SCHIP1: variants seen among roughly 807,000 people sequenced by gnomAD.
SCHIP1 encodes schwannomin interacting protein 1, also known as schwannomin-interacting protein 1.
A neutral mutation model predicts 29.7 loss-of-function variants in SCHIP1; 8 were observed. The observed-to-expected ratio is 0.27, with a 90% CI of 0.16 to 0.49. SCHIP1 has a LOEUF of 0.49. Among genes scored for constraint, SCHIP1 ranks in the 20% least tolerant of loss-of-function variants. The pLI, the probability that SCHIP1 is intolerant of heterozygous loss-of-function variation, is 0.99. For missense variants in SCHIP1, 193 were observed against 294.6 expected, an observed-to-expected ratio of 0.66 and a Z score of 2.52; for synonymous variants, 76 against 94.9, an observed-to-expected ratio of 0.80 and a Z score of 1.16.
At chr3:159,541,308 A>C in the SCHIP1 span, among the ~76,000 whole-genome samples, 1 of 152,078 alleles carries the variant, frequency 6.6e-6, no homozygotes, top group African/African-American at 2.4e-5. Flanking sequence ...TGATACAAAG[A>C]AAGTTAGAGC....
the SCHIP1 span, among the ~76,000 whole-genome samples, chr3:159,420,561 C>A: frequency 1.3e-5 from 2 of 152,084 alleles, no homozygotes; most frequent in Admixed American, 1.3e-4. Flanking sequence ...GGATGATTGC[C>A]ATTTAGGCCA....
At chr3:159,658,472 T>A in the SCHIP1 span, among the ~76,000 whole-genome samples, 2 of 152,148 alleles carry the variant, frequency 1.3e-5, no homozygotes, top group African/African-American at 4.8e-5. Flanking sequence ...CTGAGAAAAA[T>A]TAAAGGACTG....
At chr3:159,778,168 T>C in the SCHIP1 span, among the ~76,000 whole-genome samples, 1 of 151,980 alleles carries the variant, frequency 6.6e-6, no homozygotes, top group Non-Finnish European at 1.5e-5. Flanking sequence ...TAATTTTTTG[T>C]ATTTTTAGTA....
chr3:159,700,410 A>C, the SCHIP1 span, among the ~76,000 whole-genome samples: 1 of 152,256 alleles, frequency 6.6e-6, no homozygotes, highest in Non-Finnish European at 1.5e-5. Context: ...GTAAAAATCA[A>C]TAGTTGGTGT....
chr3:159,368,060 A>C, the SCHIP1 span, among the ~76,000 whole-genome samples: 1 of 152,282 alleles, frequency 6.6e-6, no homozygotes, highest in Non-Finnish European at 1.5e-5. Flanking sequence ...TCTAACCTCC[A>C]TGTCAAACAT....
At chr3:159,716,883 G>A in the SCHIP1 span, among the ~76,000 whole-genome samples, 2 of 152,216 alleles carry the variant, frequency 1.3e-5, no homozygotes, top group African/African-American at 2.4e-5. Flanking sequence ...TGTGCACCAA[G>A]TGGACCTAAT....
chr3:159,576,347 T>C, the SCHIP1 span, among the ~76,000 whole-genome samples: 1 of 152,192 alleles, frequency 6.6e-6, no homozygotes, highest in African/African-American at 2.4e-5. Flanking sequence ...GACTCATGTT[T>C]ACTGTAGAGA....
At chr3:159,363,263 ATAAG>A in the SCHIP1 span, among the ~76,000 whole-genome samples, 26,067 of 152,120 alleles carry the variant, frequency 0.17, 2,395 homozygotes, top group Middle Eastern at 0.28. Flanking sequence ...AAGCATTTTA[ATAAG>A]TAATAGTTAT....
the SCHIP1 span, among the ~76,000 whole-genome samples, chr3:159,353,502 T>C: frequency 9.2e-5 from 14 of 152,036 alleles, no homozygotes; most frequent in African/African-American, 3.4e-4. Context: ...AACTGAGAGA[T>C]TTTAAGTTAT....
At chr3:159,824,510 A>C in the SCHIP1 span, among the ~76,000 whole-genome samples, 1 of 152,204 alleles carries the variant, frequency 6.6e-6, no homozygotes, top group Non-Finnish European at 1.5e-5. Flanking sequence ...TCAAACTTAG[A>C]TTATGGTGAC....
chr3:159,663,902 A>G, the SCHIP1 span, among the ~76,000 whole-genome samples: 2 of 152,210 alleles, frequency 1.3e-5, no homozygotes, highest in Non-Finnish European at 2.9e-5. Flanking sequence ...ATATAGTAGG[A>G]TATAAGGTAT....
the SCHIP1 span, among the ~76,000 whole-genome samples, chr3:159,603,899 G>A: frequency 7.2e-5 from 11 of 152,214 alleles, no homozygotes; most frequent in African/African-American, 2.6e-4. Flanking sequence ...ATGGTAAGGG[G>A]CTCACAAGGA....
the SCHIP1 span, among the ~76,000 whole-genome samples, chr3:159,565,138 A>G: frequency 6.6e-6 from 1 of 152,170 alleles, no homozygotes; most frequent in Non-Finnish European, 1.5e-5. Flanking sequence ...AGCCTGGTGG[A>G]CAGCCATGTC....
the SCHIP1 span, among the ~76,000 whole-genome samples, chr3:159,300,565 T>A: frequency 1.3e-5 from 2 of 152,182 alleles, no homozygotes; most frequent in Non-Finnish European, 2.9e-5. Context: ...CTCCCTGCAA[T>A]TAACATTTGG....
intron 1 of SCHIP1, among the ~76,000 whole-genome samples, chr3:159,849,361 G>A (rs546083848): frequency 2.8e-4 from 42 of 152,012 alleles, no homozygotes; most frequent in Non-Finnish European, 5.3e-4. Flanking sequence ...CTAGTAATCA[G>A]GCATATCATT....
chr3:159,542,542 C>A, the SCHIP1 span, among the ~76,000 whole-genome samples: 1 of 152,014 alleles, frequency 6.6e-6, no homozygotes, highest in Non-Finnish European at 1.5e-5. Context: ...TTCACATACC[C>A]GTATTCATTC....
the SCHIP1 span, among the ~76,000 whole-genome samples, chr3:159,413,480 T>C: frequency 6.6e-6 from 1 of 152,220 alleles, no homozygotes; most frequent in Non-Finnish European, 1.5e-5. Context: ...GATTTCTACC[T>C]TCATTCAACA....
At chr3:159,604,613 T>A in the SCHIP1 span, among the ~76,000 whole-genome samples, 6 of 152,204 alleles carry the variant, frequency 3.9e-5, no homozygotes, top group South Asian at 2.1e-4. Context: ...AACCAGCAAT[T>A]GAGGGTCACT....
the SCHIP1 span, among the ~76,000 whole-genome samples, chr3:159,287,234 T>G: frequency 1.3e-5 from 2 of 151,996 alleles, no homozygotes; most frequent in Non-Finnish European, 2.9e-5. Flanking sequence ...CCATTTTGAA[T>G]TGATTCTTAT....
Sources: allele counts gnomAD v4.1 joint callset (sites outside exome capture counted in the v4.1 genomes callset), GRCh38; gene constraint gnomAD v4.1.1; transcripts MANE v1.5; gene names NCBI Gene and HGNC (gene_info 2026-07-23, HGNC 2026-07-21).